Variants in STPG2 observed in about 807,000 individuals in gnomAD.
The protein encoded by STPG2 is sperm tail PG-rich repeat containing 2, also known as sperm-tail PG-rich repeat-containing protein 2.
Under a neutral mutation model 54.2 loss-of-function variants are expected in STPG2, and 56 were observed. The ratio of observed to expected loss-of-function variants is 1.03; its 90% CI spans 0.83 to 1.29. STPG2 has a LOEUF of 1.29. STPG2 is among the 50% of genes most tolerant of loss of function. STPG2 has a pLI of 0.00. For synonymous variants in STPG2, 200 were observed against 181.8 expected, an observed-to-expected ratio of 1.10 and a Z score of -0.81; for missense variants, 596 against 544.9, an observed-to-expected ratio of 1.09 and a Z score of -0.93.
Position 98,110,339 on chromosome 4 carries a change from T to C in STPG2, c.388-1034A>G, listed in dbSNP as rs181413254. Among the ~76,000 whole-genome samples the C allele has an allele frequency of 4.6e-5, 7 of 152,238 alleles. No individual in the cohort carries two copies. In the East Asian group the frequency reaches 1.2e-3, roughly 25 times the overall value. ...AGCTTCCAGATAACATCTCAGGAGTTGCGCGAATGGGCTCACACATGCACA... is the reference window on the plus strand; with the variant it reads ...AGCTTCCAGATAACATCTCAGGAGTCGCGCGAATGGGCTCACACATGCACA... On this transcript the variant is annotated intron_variant, in intron 3 of 10. Coordinates refer to ENST00000295268, the MANE Select transcript of STPG2 (RefSeq NM_174952.3).
intron 10 of STPG2, among the ~76,000 whole-genome samples, chr4:97,636,921 G>C (rs1721563141): frequency 6.6e-6 from 1 of 151,700 alleles, no homozygotes; most frequent in Non-Finnish European, 1.5e-5. Flanking sequence ...GTATAAGGAG[G>C]AACCGGTACC....
intron 8 of STPG2, among the ~76,000 whole-genome samples, chr4:97,857,516 C>A (rs1729372772): frequency 6.6e-6 from 1 of 151,242 alleles, no homozygotes; most frequent in African/African-American, 2.4e-5. Flanking sequence ...CCCCTTATTT[C>A]CGATTGTGTG....
At chr4:97,467,520 C>T (rs1729815762) in intron 4 of STPG2, among the ~76,000 whole-genome samples, 1 of 151,760 alleles carries the variant, frequency 6.6e-6, no homozygotes, top group Non-Finnish European at 1.5e-5. Context: ...TTCAAGAATT[C>T]ATTTTACATT....
intron 10 of STPG2, among the ~76,000 whole-genome samples, chr4:97,697,446 G>A (rs1578488478): frequency 6.6e-6 from 1 of 152,138 alleles, no homozygotes; most frequent in Non-Finnish European, 1.5e-5. Context: ...CCATTACAAT[G>A]GATAAAAACA....
chr4:97,905,499 A>C (rs1474585659), intron 8 of STPG2, among the ~76,000 whole-genome samples: 1 of 152,198 alleles, frequency 6.6e-6, no homozygotes, highest in Non-Finnish European at 1.5e-5. Flanking sequence ...CCACTGCAAA[A>C]TCATGCCAAA....
chr4:97,984,300 A>G (rs1334259435), intron 5 of STPG2, among the ~76,000 whole-genome samples: 1 of 152,090 alleles, frequency 6.6e-6, no homozygotes, highest in Non-Finnish European at 1.5e-5. Context: ...ACATGCCACA[A>G]TGCCCAGCTA....
chr4:97,867,739 C>T (rs1251910480), intron 8 of STPG2, among the ~76,000 whole-genome samples: 2 of 152,026 alleles, frequency 1.3e-5, no homozygotes, highest in African/African-American at 2.4e-5. Flanking sequence ...CTGTTTTCTA[C>T]TCTGCCAACC....
Position 97,815,020 on chromosome 4 carries a change from A to C in STPG2, c.1204+25753T>G, listed in dbSNP as rs376486309. Among the ~76,000 whole-genome samples the C allele has an allele frequency of 3.5e-4, 53 of 152,228 alleles. 1 individual carries two copies. The East Asian group carries it at 9.1e-3, about 26-fold the overall frequency. On this transcript the variant is annotated intron_variant, in intron 9 of 10. Coordinates refer to ENST00000295268, the MANE Select transcript of STPG2 (RefSeq NM_174952.3). ...TGCCTTGTTATTAAGGTCAATGCAA[A>C]AGCACAACCACCCAATTCAAGCAGG...
intron 10 of STPG2, among the ~76,000 whole-genome samples, chr4:97,622,724 A>G (rs1734043860): frequency 6.6e-6 from 1 of 152,152 alleles, no homozygotes; most frequent in Admixed American, 6.6e-5. Context: ...TATTCCTACC[A>G]AACTACCAAT....
At chr4:97,992,262 A>G (rs560124099) in intron 5 of STPG2, among the ~76,000 whole-genome samples, 26 of 152,142 alleles carry the variant, frequency 1.7e-4, no homozygotes, top group Admixed American at 8.5e-4. Context: ...ATGAATCTTG[A>G]GCAGATTTTT....
chr4:97,561,263 C>T (rs866671224), intron 10 of STPG2, among the ~76,000 whole-genome samples: 1 of 152,080 alleles, frequency 6.6e-6, no homozygotes, highest in African/African-American at 2.4e-5. Flanking sequence ...TGAGAAGTGT[C>T]TGTTCATGTC....
At chr4:98,024,128 C>G (rs1295684600) in intron 5 of STPG2, among the ~76,000 whole-genome samples, 1 of 152,192 alleles carries the variant, frequency 6.6e-6, no homozygotes, top group Non-Finnish European at 1.5e-5. Context: ...GTGTCACTCA[C>G]GCTGGGAGCT....
At chr4:97,720,759 T>C (rs1333062086) in intron 9 of STPG2, among the ~76,000 whole-genome samples, 1 of 152,018 alleles carries the variant, frequency 6.6e-6, no homozygotes. Flanking sequence ...AATATCACAA[T>C]TCTAAAAATC....
intron 8 of STPG2, among the ~76,000 whole-genome samples, chr4:97,938,454 T>TGCCTTTCCCCC (rs756021747): frequency 1.0e-3 from 5 of 4,994 alleles, no homozygotes; most frequent in Non-Finnish European, 3.0e-3. Flanking sequence ...CCACAGTGAC[T>TGCCTTTCCCCC]AAGTCAGAAG....
At position 98,060,447 on chromosome 4, in the gene STPG2, C is replaced by T. The variant is rs183129564; in HGVS notation, c.612+45506G>A. On this transcript the variant is annotated intron_variant, in intron 5 of 10. Transcript: ENST00000295268. ...CAAACAAATGGAAAAACATCCCATG[C>T]TCACGGATATGGAGAATCAATATTG... Among the ~76,000 whole-genome samples the T allele has an allele frequency of 2.1e-4, 32 of 152,228 alleles. 1 individual carries two copies. The South Asian group carries it at 3.3e-3, about 16-fold the overall frequency.
At chr4:97,906,884 T>C (rs1731448816) in intron 8 of STPG2, among the ~76,000 whole-genome samples, 2 of 152,032 alleles carry the variant, frequency 1.3e-5, no homozygotes, top group Admixed American at 1.3e-4. Context: ...ATAAGAGCTA[T>C]CTATGACAAA....
At chr4:97,781,739 C>G (rs1397292137) in intron 9 of STPG2, among the ~76,000 whole-genome samples, 1 of 152,156 alleles carries the variant, frequency 6.6e-6, no homozygotes, top group African/African-American at 2.4e-5. Context: ...CCACCATGAT[C>G]AAGTGGGCTT....
intron 9 of STPG2, among the ~76,000 whole-genome samples, chr4:97,810,269 T>C (rs1727693839): frequency 2.0e-5 from 3 of 151,914 alleles, no homozygotes; most frequent in South Asian, 4.2e-4. Flanking sequence ...ATCGAGACCA[T>C]CCTGGCCAAC....
intron 7 of STPG2, among the ~76,000 whole-genome samples, chr4:97,961,690 C>CA (rs533897805): frequency 2.4e-4 from 36 of 151,438 alleles, no homozygotes; most frequent in South Asian, 2.1e-4. Context: ...TGGCCATAAT[C>CA]AAAAAATCAA....
Sources: allele counts gnomAD v4.1 joint callset (sites outside exome capture counted in the v4.1 genomes callset), GRCh38; gene constraint gnomAD v4.1.1; transcripts MANE v1.5; gene names NCBI Gene and HGNC (gene_info 2026-07-23, HGNC 2026-07-21).